CYP2A13: variants seen among roughly 807,000 people sequenced by gnomAD.
CYP2A13 encodes cytochrome P450 family 2 subfamily A member 13, also known as cytochrome P450 2A13.
In CYP2A13, 30 loss-of-function variants were observed where a neutral mutation model predicts 39.4. The ratio of observed to expected loss-of-function variants is 0.76; its 90% CI spans 0.57 to 1.03. The LOEUF (loss-of-function observed/expected upper bound fraction) is 1.03, where lower values mean the gene tolerates loss of function less well. Among genes scored for constraint, CYP2A13 ranks in the 50% least tolerant of loss-of-function variants. The pLI is 0.00. For synonymous variants in CYP2A13, 269 were observed against 254.7 expected, an observed-to-expected ratio of 1.06 and a Z score of -0.54; for missense variants, 731 against 648.4, an observed-to-expected ratio of 1.13 and a Z score of -1.38.
chr19:41,093,009 A>C (rs1038092250), intron 5 of CYP2A13, among the ~76,000 whole-genome samples: 11 of 152,112 alleles, frequency 7.2e-5, no homozygotes, highest in African/African-American at 2.4e-4. Context: ...TATCATTAAA[A>C]AAGTAACAGA....
In CYP2A13 at chr19:41,095,005, G is replaced by T. The variant is rs1208333808; in HGVS notation, c.1208G>T (p.Arg403Met). Reference protein sequence around the residue: ...PMLGSVLRDPRFFSNPRDFNP... With the variant: ...PMLGSVLRDPMFFSNPRDFNP... ...CTGGGCTCCGTGCTGAGAGACCCCA[G>T]GTTCTTCTCCAACCCCCGGGACTTC... Residue 403 changes from arginine (R) to methionine (M), a missense_variant, in exon 8 of 9, where the codon AGG (arginine) becomes ATG (methionine). Arg to Met is a moderately conservative substitution (Grantham distance 91, BLOSUM62 -1). Coordinates refer to ENST00000330436, the MANE Select transcript of CYP2A13 (RefSeq NM_000766.5). 2 of 1,613,984 alleles carry T rather than the reference G, an allele frequency of 1.2e-6. No individual in the cohort carries two copies. Among genetic ancestry groups the T allele is most frequent in the Non-Finnish European group, 1.7e-6 (2 of 1,180,026 alleles).
intron 1 of CYP2A13, 110 bp from the exon 2 acceptor site, chr19:41,088,819 C>T: frequency 1.3e-6 from 2 of 1,553,234 alleles, no homozygotes; most frequent in Non-Finnish European, 1.7e-6. Flanking sequence ...TGTCCAGCTC[C>T]CTGACTGTGA....
At chr19:41,091,378 C>A (rs2031184698) in intron 4 of CYP2A13, among the ~76,000 whole-genome samples, 1 of 152,210 alleles carries the variant, frequency 6.6e-6, no homozygotes, top group South Asian at 2.1e-4. Flanking sequence ...GTGCCACTCA[C>A]CTCATACCAG....
intron 6 of CYP2A13, 108 bp from the exon 7 acceptor site, chr19:41,094,137 C>A: frequency 1.3e-6 from 2 of 1,505,346 alleles, no homozygotes; most frequent in South Asian, 1.3e-5. Flanking sequence ...AATGGTCTAC[C>A]TCCGTGTCAT....
rs746533198 is a variant in CYP2A13 at position 41,094,386 on chromosome 19, A to C, written c.1115A>C (p.His372Pro). The C allele has an allele frequency of 9.9e-6, 16 of 1,613,956 alleles. No individual in the cohort carries two copies. The highest frequency in any genetic ancestry group is 1.3e-5 in the Non-Finnish European group (15 of 1,180,006). The part of the protein sequence containing the change: ...FGDMLPMGLA[H>P]RVNKDTKFRD... ...GACATGCTCCCCATGGGTTTGGCCC[A>C]CAGGGTCAACAAGGACACCAAGTTT... is the stretch of plus-strand genomic sequence containing the variant. The change falls in exon 7 of 9, where the codon CAC becomes CCC. Residue 372 changes from histidine to proline, a missense_variant. Coordinates refer to ENST00000330436, the MANE Select transcript of CYP2A13 (RefSeq NM_000766.5).
In CYP2A13 at chr19:41,095,829, A is replaced by C; in HGVS notation, c.1373A>C (p.Gln458Pro). Reference protein sequence around the residue: ...ELFLFFTTIMQNFRFKSPQSP... With the variant: ...ELFLFFTTIMPNFRFKSPQSP... ...TTTCTCTTCTTCACCACCATCATGC[A>C]GAACTTTCGCTTCAAGTCCCCTCAG... Residue 458 changes from glutamine to proline, a missense_variant, in exon 9 of 9, where the codon CAG (glutamine) becomes CCG (proline). Transcript: ENST00000330436. 3.1e-6 allele frequency: 5 copies of C among 1,614,124 alleles called. No homozygotes were observed. Among genetic ancestry groups the C allele is most frequent in the Non-Finnish European group, 4.2e-6 (5 of 1,179,980 alleles).
chr19:41,089,388 G>T (rs71579364), intron 2 of CYP2A13, among the ~76,000 whole-genome samples: 1 of 151,808 alleles, frequency 6.6e-6, no homozygotes, highest in Non-Finnish European at 1.5e-5. Context: ...CTGTTTTCCA[G>T]CCCTGGTCCT....
intron 5 of CYP2A13, 83 bp downstream of exon 5, chr19:41,091,991 G>A (rs1256628310): frequency 5.9e-5 from 92 of 1,559,816 alleles, no homozygotes; most frequent in Non-Finnish European, 7.8e-5. Flanking sequence ...AGACGACACA[G>A]GCCCATTCAA....
In CYP2A13 at chr19:41,093,777, A is replaced by G. The variant is rs1162877839; in HGVS notation, c.973+6A>G. 5 of 1,613,610 alleles carry G rather than the reference A, an allele frequency of 3.1e-6. No individual in the cohort carries two copies. The highest frequency in any genetic ancestry group is 1.3e-5 in the African/African-American group (1 of 74,932). ...GAAGCACCCAGAGGTGGAGGGTAAG[A>G]CTGGAAAGGGAGGAAAGTGAAGGGC... On this transcript the variant is annotated splice_donor_region_variant and intron_variant, in intron 6 of 8. Transcript: ENST00000330436.
chr19:41,088,553 A>G lies in CYP2A13; in HGVS notation c.82A>G (p.Lys28Glu). ...MVLMSVWRQR[K>E]SRGKLPPGPT... ...CTTGATGTCAGTCTGGCGGCAGAGG[A>G]AGAGCAGGGGGAAGCTGCCTCCGGG... Residue 28 changes from lysine to glutamate, a missense_variant, in exon 1 of 9, where the codon AAG (lysine) becomes GAG (glutamate). Transcript: ENST00000330436. 1 of 1,613,898 alleles carries G rather than the reference A, an allele frequency of 6.2e-7. No homozygotes were observed. Among genetic ancestry groups the G allele is most frequent in the Non-Finnish European group, 8.5e-7 (1 of 1,179,872 alleles).
intron 8 of CYP2A13, 47 bp downstream of exon 8, chr19:41,095,147 G>C (rs368488873): frequency 5.6e-6 from 9 of 1,613,648 alleles, no homozygotes; most frequent in Non-Finnish European, 8.5e-7. Flanking sequence ...CACCAGCAGG[G>C]GCCTCTCTCA....
rs549633782 is a variant in CYP2A13 at position 41,096,170 on chromosome 19, A to C, written c.*229A>C. 4.7e-6 allele frequency: 3 copies of C among 644,204 alleles called. No individual in the cohort carries two copies. Among genetic ancestry groups the C allele is most frequent in the Admixed American group, 3.0e-5 (1 of 33,270 alleles). The allele number at this position is 644,204 out of a possible 1,614,324, so 39.9% of individuals were successfully genotyped here. A position where few individuals can be genotyped will look rare whatever the true frequency, so the allele number is the denominator to read the frequency against. ...CTTACAGTATGCTACAAAGAGTAGTAATAATAGCAGCTCTTATTTCCTGAA... is the reference window on the plus strand; with the variant it reads ...CTTACAGTATGCTACAAAGAGTAGTCATAATAGCAGCTCTTATTTCCTGAA... On this transcript the variant is annotated 3_prime_UTR_variant, in exon 9 of 9. Coordinates refer to ENST00000330436, the MANE Select transcript of CYP2A13 (RefSeq NM_000766.5).
At chr19:41,093,584 A>G (rs1444754163) in intron 5 of CYP2A13, 46 bp from the exon 6 acceptor site, 1 of 1,612,528 alleles carries the variant, frequency 6.2e-7, no homozygotes, top group Non-Finnish European at 8.5e-7. Flanking sequence ...GAAGGGCCCC[A>G]AGAGCATGGA....
chr19:41,095,824 C>A lies in CYP2A13; in HGVS notation c.1368C>A (p.Ile456=). 6.2e-7 allele frequency: 1 copy of A among 1,614,162 alleles called. No individual in the cohort carries two copies. The highest frequency in any genetic ancestry group is 8.5e-7 in the Non-Finnish European group (1 of 1,180,008). ...AGCTCTTTCTCTTCTTCACCACCAT[C>A]ATGCAGAACTTTCGCTTCAAGTCCC... The part of the protein sequence containing the change: ...RMELFLFFTT[I]MQNFRFKSPQ... The change falls in exon 9 of 9, where the codon ATC becomes ATA. Residue 456 remains isoleucine, a synonymous_variant. Coordinates refer to ENST00000330436, the MANE Select transcript of CYP2A13 (RefSeq NM_000766.5).
chr19:41,090,221 G>A lies in CYP2A13; in HGVS notation c.493+25G>A, dbSNP rs776210715. 4.5e-6 allele frequency: 7 copies of A among 1,550,566 alleles called. No individual in the cohort carries two copies. The Admixed American group carries it at 5.7e-5, about 13-fold the overall frequency. On this transcript the variant is annotated intron_variant, in intron 3 of 8. Transcript: ENST00000330436. ...GGTGAGTAGGGGACCCCGAGTGCGA[G>A]GGCGGGAACCCGCGCTTTCTGCCTG...
At chr19:41,090,019 C>A (rs201516283) in intron 2 of CYP2A13, 28 bp from the exon 3 acceptor site, 1 of 1,595,252 alleles carries the variant, frequency 6.3e-7, no homozygotes, top group Non-Finnish European at 8.6e-7. Context: ...CCCCTGACCT[C>A]TCTCCACCCC....
chr19:41,092,490 T>G (rs1195367205), intron 5 of CYP2A13, among the ~76,000 whole-genome samples: 1 of 152,136 alleles, frequency 6.6e-6, no homozygotes, highest in African/African-American at 2.4e-5. Context: ...TTTAAGATAG[T>G]CCGCCATGGA....
chr19:41,091,652 A>G (rs2031190865), intron 4 of CYP2A13, 80 bp from the exon 5 acceptor site: 1 of 1,570,992 alleles, frequency 6.4e-7, no homozygotes, highest in African/African-American at 1.4e-5. Flanking sequence ...CTTCCTTGCT[A>G]TGAAACAAAT....
Position 41,095,908 on chromosome 19 carries a change from A to T in CYP2A13, c.1452A>T (p.Pro484=), listed in dbSNP as rs1170403841. ...AACACGTGGGCTTTGCCACGATCCCACGAAACTACACCATGAGCTTCCTGC... is the reference window on the plus strand; with the variant it reads ...AACACGTGGGCTTTGCCACGATCCCTCGAAACTACACCATGAGCTTCCTGC... ...SPKHVGFATI[P]RNYTMSFLPR The change falls in exon 9 of 9, where the codon CCA becomes CCT. Residue 484 remains proline (P), a synonymous_variant. Coordinates refer to ENST00000330436, the MANE Select transcript of CYP2A13 (RefSeq NM_000766.5). 6.2e-7 allele frequency: 1 copy of T among 1,610,662 alleles called. No homozygotes were observed. The highest frequency in any genetic ancestry group is 1.1e-5 in the South Asian group (1 of 90,988).
Sources: allele counts gnomAD v4.1 joint callset (sites outside exome capture counted in the v4.1 genomes callset), GRCh38; gene constraint gnomAD v4.1.1; transcripts MANE v1.5; gene names NCBI Gene and HGNC (gene_info 2026-07-23, HGNC 2026-07-21).